JMJD1C: variants seen among roughly 807,000 people sequenced by gnomAD.
JMJD1C encodes jumonji domain-containing protein 1C.
In JMJD1C, 31 loss-of-function variants were observed where a neutral mutation model predicts 245.3. The observed-to-expected ratio is 0.13, with a 90% CI of 0.09 to 0.17. JMJD1C has a LOEUF of 0.17. JMJD1C is among the 10% of genes least tolerant of loss of function. The pLI, the probability that JMJD1C is intolerant of heterozygous loss-of-function variation, is 1.00. For missense variants in JMJD1C, 2,691 were observed against 3,000.2 expected (o/e 0.90, Z 2.41); for synonymous variants, 1,057 against 1,017.4 (o/e 1.04, Z -0.74).
intron 2 of JMJD1C, among the ~76,000 whole-genome samples, chr10:63,374,991 C>T (rs1456266397): frequency 1.3e-5 from 2 of 152,094 alleles, no homozygotes; most frequent in Non-Finnish European, 2.9e-5. Context: ...TCTTTCTTTC[C>T]AATTTAAATG....
chr10:63,423,790 C>T, intron 1 of JMJD1C, among the ~76,000 whole-genome samples: 1 of 152,168 alleles, frequency 6.6e-6, no homozygotes, highest in Non-Finnish European at 1.5e-5. Context: ...TTTCTCCAAT[C>T]CTCTCCAACA....
At chr10:63,222,425 C>G in intron 3 of JMJD1C, 2 of 921,658 alleles carry the variant, frequency 2.2e-6, no homozygotes, top group South Asian at 2.6e-5. Context: ...TAACCCTGAT[C>G]TTTACTTAAA....
rs1252277917 is a variant in JMJD1C, at chr10:63,206,774, T to C, written c.4895A>G (p.Asp1632Gly). 1.2e-6 allele frequency: 2 copies of C among 1,610,258 alleles called. No individual in the cohort carries two copies. Among genetic ancestry groups the C allele is most frequent in the Non-Finnish European group, 8.5e-7 (1 of 1,179,148 alleles). ...YESGSESGDSDESESKSEQRT... is the reference protein window; with the variant it reads ...YESGSESGDSGESESKSEQRT... ...TTGCTCTGACTTGCTTTCACTTTCATCTGAGTCTCCACTTTCAGAGCCAGA... is the reference window on the plus strand; with the variant it reads ...TTGCTCTGACTTGCTTTCACTTTCACCTGAGTCTCCACTTTCAGAGCCAGA... Residue 1632 changes from aspartate to glycine, a missense_variant, in exon 10 of 26, where the codon GAT (aspartate) becomes GGT (glycine). This residue lies in a region of JMJD1C where 144 missense variants were observed against 143.3 expected (regional missense o/e 1.00). Coordinates refer to ENST00000399262, the MANE Select transcript of JMJD1C (RefSeq NM_032776.3).
At chr10:63,338,472 C>T (rs1943051225) in intron 2 of JMJD1C, among the ~76,000 whole-genome samples, 1 of 151,408 alleles carries the variant, frequency 6.6e-6, no homozygotes, top group South Asian at 2.1e-4. Flanking sequence ...GTTGTTGTTG[C>T]CTGGCTGTTT....
intron 1 of JMJD1C, among the ~76,000 whole-genome samples, chr10:63,516,747 G>A (rs1156590795): frequency 6.6e-6 from 1 of 152,162 alleles, no homozygotes; most frequent in Admixed American, 6.5e-5. Flanking sequence ...CATCACAGAT[G>A]TATTTTACTT....
chr10:63,382,290 GTC>G (rs1947279587), intron 1 of JMJD1C, among the ~76,000 whole-genome samples: 1 of 152,088 alleles, frequency 6.6e-6, no homozygotes, highest in Non-Finnish European at 1.5e-5. Flanking sequence ...GTTTCCTTCT[GTC>G]TCTGTCACAG....
chr10:63,280,954 C>CTCTTTT (rs1857306141), intron 2 of JMJD1C, among the ~76,000 whole-genome samples: 1 of 151,552 alleles, frequency 6.6e-6, no homozygotes, highest in Admixed American at 6.6e-5. Context: ...GATCCTTTAC[C>CTCTTTT]TCTTTTTCTT....
intron 14 of JMJD1C, 72 bp from the exon 15 acceptor site, chr10:63,193,544 A>G (rs1845092301): frequency 9.6e-7 from 1 of 1,046,966 alleles, no homozygotes; most frequent in Non-Finnish European, 1.4e-6. Flanking sequence ...TTTTCTTACA[A>G]TATTTTGTAT....
At chr10:63,384,530 G>A (rs771887853) in intron 1 of JMJD1C, among the ~76,000 whole-genome samples, 3 of 152,186 alleles carry the variant, frequency 2.0e-5, no homozygotes, top group Non-Finnish European at 4.4e-5. Flanking sequence ...CACTGTCAAT[G>A]AGAAGTAATA....
chr10:63,197,637 A>G, intron 12 of JMJD1C, 74 bp from the exon 13 acceptor site: 1 of 1,367,706 alleles, frequency 7.3e-7, no homozygotes, highest in Non-Finnish European at 9.8e-7. Flanking sequence ...TGAAATACAG[A>G]AGAAATAAAA....
intron 1 of JMJD1C, among the ~76,000 whole-genome samples, chr10:63,453,680 G>GTTTTT (rs1340440325): frequency 6.6e-6 from 1 of 152,182 alleles, no homozygotes. Context: ...ACTATAAGTA[G>GTTTTT]TTAAAAACGG....
rs141785903 is a variant in JMJD1C at position 63,197,892 on chromosome 10, A to G, written c.5492-329T>C. Among the ~76,000 whole-genome samples, 677 of 152,332 alleles carry G rather than the reference A, an allele frequency of 4.4e-3. 7 individuals are homozygous for G. Among genetic ancestry groups the G allele is most frequent in the Middle Eastern group, 6.8e-3 (2 of 294 alleles). ...TCAGAGGCATCTGTAGCCTCTACCTATCAGATGTTGGCAACATATCCTTAA... is the reference window on the plus strand; with the variant it reads ...TCAGAGGCATCTGTAGCCTCTACCTGTCAGATGTTGGCAACATATCCTTAA... On this transcript the variant is annotated intron_variant, in intron 12 of 25. Coordinates refer to ENST00000399262, the MANE Select transcript of JMJD1C (RefSeq NM_032776.3).
chr10:63,429,033 T>G (rs1950599620), intron 1 of JMJD1C, among the ~76,000 whole-genome samples: 2 of 151,952 alleles, frequency 1.3e-5, no homozygotes, highest in African/African-American at 2.4e-5. Flanking sequence ...CAGGCTGGAG[T>G]GCAATGGCAC....
At chr10:63,374,338 G>C (rs1295094313) in intron 2 of JMJD1C, among the ~76,000 whole-genome samples, 5 of 152,188 alleles carry the variant, frequency 3.3e-5, no homozygotes, top group Non-Finnish European at 1.5e-5. Flanking sequence ...AGCAGAGAAA[G>C]AGTAACATTC....
intron 2 of JMJD1C, among the ~76,000 whole-genome samples, chr10:63,364,274 G>A (rs979333049): frequency 1.7e-4 from 26 of 152,162 alleles, no homozygotes; most frequent in Non-Finnish European, 3.7e-4. Context: ...CTCCCAAAGT[G>A]CTGGGATTGG....
chr10:63,423,906 T>G (rs1400974036), intron 1 of JMJD1C, among the ~76,000 whole-genome samples: 1 of 152,226 alleles, frequency 6.6e-6, no homozygotes, highest in African/African-American at 2.4e-5. Context: ...ATACTGACGA[T>G]CTTGCCTTAT....
At chr10:63,442,850 T>C (rs1209456390) in intron 1 of JMJD1C, among the ~76,000 whole-genome samples, 3 of 152,190 alleles carry the variant, frequency 2.0e-5, no homozygotes, top group Non-Finnish European at 4.4e-5. Context: ...GTATTGAGTT[T>C]TTTTTCCTCC....
intron 1 of JMJD1C, among the ~76,000 whole-genome samples, chr10:63,518,670 A>G (rs1204871825): frequency 2.0e-5 from 3 of 152,234 alleles, no homozygotes; most frequent in Non-Finnish European, 2.9e-5. Context: ...AGGCTTTGAT[A>G]ATTACAAATA....
chr10:63,238,256 G>A (rs1319787581), intron 3 of JMJD1C, among the ~76,000 whole-genome samples: 3 of 150,222 alleles, frequency 2.0e-5, no homozygotes, highest in Non-Finnish European at 4.4e-5. Context: ...AAGCACATTA[G>A]CCACCTAGAA....
Sources: gnomAD v4.1 joint callset for allele counts (sites outside exome capture counted in the v4.1 genomes callset) on GRCh38, gnomAD v4.1.1 for gene constraint, gnomAD v4.1.1 regional missense constraint, MANE v1.5 for transcripts, NCBI Gene and HGNC (gene_info 2026-07-23, HGNC 2026-07-21) for gene names.